Variants in IPO8 observed in about 807,000 individuals in gnomAD.
IPO8 encodes the protein importin 8.
Under a neutral mutation model 141.2 loss-of-function variants are expected in IPO8, and 65 were observed. That is an observed-to-expected ratio of 0.46 (90% CI 0.38 to 0.57). The LOEUF (loss-of-function observed/expected upper bound fraction) is 0.57. IPO8 is among the 20% of genes least tolerant of loss of function. The pLI is 0.00. For missense variants in IPO8, 980 were observed against 1,246.8 expected, an observed-to-expected ratio of 0.79 and a Z score of 3.22; for synonymous variants, 411 against 420.3, an observed-to-expected ratio of 0.98 and a Z score of 0.27.
chr12:30,670,811 A>G, intron 9 of IPO8, 151 bp downstream of exon 9: 1 of 550,576 alleles, frequency 1.8e-6, no homozygotes, highest in Non-Finnish European at 2.9e-6. Context: ...TAAGCCCTTT[A>G]TATCTGACAT....
intron 6 of IPO8, among the ~76,000 whole-genome samples, chr12:30,675,996 C>A (rs1294762803): frequency 6.6e-6 from 1 of 151,862 alleles, no homozygotes; most frequent in Non-Finnish European, 1.5e-5. Flanking sequence ...CTCTGTCCCC[C>A]AAGCATAGTT....
rs138724283 is a variant in IPO8 at position 30,654,882 on chromosome 12, G to C, written c.1949-1790C>G. Reference sequence around the variant, plus strand: ...CCAAAGGAATTAAAATCAGGATCTTGAAGAGATAATGTGCCCTCCTATGTT... The same window carrying C: ...CCAAAGGAATTAAAATCAGGATCTTCAAGAGATAATGTGCCCTCCTATGTT... On this transcript the variant is annotated intron_variant, in intron 17 of 24. Transcript: ENST00000256079. Among the ~76,000 whole-genome samples, 1,130 of 152,138 alleles carry C rather than the reference G, an allele frequency of 7.4e-3. 5 individuals carry two copies. Among genetic ancestry groups the C allele is most frequent in the Middle Eastern group, 0.037 (11 of 294 alleles).
chr12:30,690,725 A>G (rs986495462), intron 1 of IPO8, 148 bp from the exon 2 acceptor site: 4 of 514,874 alleles, frequency 7.8e-6, no homozygotes, highest in African/African-American at 4.0e-5. Context: ...GAAGATTACT[A>G]AAATACTTCA....
chr12:30,686,307 G>A (rs185001360), intron 2 of IPO8: 10 of 152,302 alleles, frequency 6.6e-5, no homozygotes, highest in African/African-American at 2.2e-4. Flanking sequence ...AATGATCTAA[G>A]GATATGAACC....
chr12:30,656,686 A>G lies in IPO8; in HGVS notation c.1946T>C (p.Ile649Thr), dbSNP rs1406374629. 6.5e-7 allele frequency: 1 copy of G among 1,542,670 alleles called. No individual in the cohort carries two copies. The highest frequency in any genetic ancestry group is 8.8e-7 in the Non-Finnish European group (1 of 1,133,890). Residue 649 changes from isoleucine to threonine, a missense_variant and splice_region_variant, in exon 17 of 25, where the codon ATT (isoleucine) becomes ACT (threonine). By Grantham distance (89) the Ile-to-Thr change is moderately conservative. Around this residue, in one of 3 missense-constraint regions of IPO8, gnomAD observed 924 missense variants for 1,153.9 expected, o/e 0.80. Transcript: ENST00000256079. ...TTTTATTTAACCTTTGAACTTACCA[A>G]TTACATGTTTCTGCAGAACAAGATC... is the stretch of plus-strand genomic sequence containing the variant. ...IIDLVLQKHVIEFYEEILSLA... is the reference protein window; with the variant it reads ...IIDLVLQKHVTEFYEEILSLA...
rs199691846 is a variant in IPO8 at position 30,680,666 on chromosome 12, A to C, written c.483-28T>G. On this transcript the variant is annotated intron_variant, in intron 4 of 24. Transcript: ENST00000256079. ...ACATGAGCAAAGACAAAAACAGAAA[A>C]GTAATTTTTCCCACCCAAAGAACCA... 1,009 of 1,568,282 alleles carry C rather than the reference A, an allele frequency of 6.4e-4. 1 individual carries two copies. The highest frequency in any genetic ancestry group is 8.0e-4 in the Non-Finnish European group (931 of 1,162,316).
At chr12:30,633,714 T>C (rs2052464111) in intron 23 of IPO8, among the ~76,000 whole-genome samples, 1 of 152,244 alleles carries the variant, frequency 6.6e-6, no homozygotes, top group African/African-American at 2.4e-5. Flanking sequence ...TAGTAGGTTG[T>C]TAGCCACAAT....
rs2053335825 is a variant in IPO8 at position 30,695,844 on chromosome 12, A to T, written c.-197T>A. On this transcript the variant is annotated 5_prime_UTR_variant, in exon 1 of 25. The change creates a premature stop within an existing upstream ORF in the 5' untranslated region. Coordinates refer to ENST00000256079, the MANE Select transcript of IPO8 (RefSeq NM_006390.4). This position sits in a 1 kb window ranked among gnomAD's most constrained non-coding sequence, Gnocchi z 4.2. ...CCTGTCCTCCCTTTTTCCCCCCCAC[A>T]ACTCGCTCTCCATTCACCGTTTTAC... The T allele has an allele frequency of 2.1e-6, 1 of 482,814 alleles. No individual in the cohort carries two copies. Among genetic ancestry groups the T allele is most frequent in the South Asian group, 2.4e-5 (1 of 40,868 alleles). The allele number at this position is 482,814 out of a possible 1,614,324, so 29.9% of individuals were successfully genotyped here.
At chr12:30,685,474 G>C (rs2053231330) in intron 2 of IPO8, among the ~76,000 whole-genome samples, 1 of 151,104 alleles carries the variant, frequency 6.6e-6, no homozygotes, top group Non-Finnish European at 1.5e-5. Context: ...CAGTTGAACA[G>C]TGAATGTAAG....
At position 30,695,327 on chromosome 12, in the gene IPO8, G is replaced by A. The variant is rs377104041; in HGVS notation, c.84+237C>T. Among the ~76,000 whole-genome samples the A allele has an allele frequency of 7.9e-5, 12 of 152,326 alleles. No individual in the cohort carries two copies. In the East Asian group the frequency reaches 2.1e-3, roughly 27 times the overall value. Reference sequence around the variant, plus strand: ...GCAGAACAAACTGCCCTGGAGAAGGGAGACGACACGAAAAGGTGCAAAGGT... The same window carrying A: ...GCAGAACAAACTGCCCTGGAGAAGGAAGACGACACGAAAAGGTGCAAAGGT... On this transcript the variant is annotated intron_variant, in intron 1 of 24. Coordinates refer to ENST00000256079, the MANE Select transcript of IPO8 (RefSeq NM_006390.4). This position sits in a 1 kb window ranked among gnomAD's most constrained non-coding sequence, Gnocchi z 4.2.
At chr12:30,691,949 ATTCT>A (rs2053294691) in intron 1 of IPO8, among the ~76,000 whole-genome samples, 1 of 152,172 alleles carries the variant, frequency 6.6e-6, no homozygotes, top group African/African-American at 2.4e-5. Context: ...TGGCATGTAA[ATTCT>A]TTTTTATCCA....
At chr12:30,641,927 G>T (rs1193510536) in intron 20 of IPO8, among the ~76,000 whole-genome samples, 1 of 152,144 alleles carries the variant, frequency 6.6e-6, no homozygotes, top group African/African-American at 2.4e-5. Context: ...AGGCACAGTG[G>T]TTCACGCCTG....
intron 18 of IPO8, 34 bp downstream of exon 18, chr12:30,652,933 G>A: frequency 6.4e-7 from 1 of 1,563,630 alleles, no homozygotes; most frequent in Non-Finnish European, 8.6e-7. Context: ...TCTAGACACA[G>A]AAAAGCAAAA....
At chr12:30,632,147 A>G in intron 23 of IPO8, 136 bp from the exon 24 acceptor site, 3 of 590,634 alleles carry the variant, frequency 5.1e-6, no homozygotes, top group South Asian at 4.1e-5. Context: ...AACACACACA[A>G]GGTAATGAAA....
intron 16 of IPO8, among the ~76,000 whole-genome samples, chr12:30,657,376 C>G (rs559918715): frequency 6.6e-6 from 1 of 152,104 alleles, no homozygotes; most frequent in Non-Finnish European, 1.5e-5. Context: ...CAATTTTCAC[C>G]TATTAAGACT....
At chr12:30,672,733 G>A (rs2053068833) in intron 8 of IPO8, among the ~76,000 whole-genome samples, 1 of 152,104 alleles carries the variant, frequency 6.6e-6, no homozygotes. Context: ...CTTCCTGATT[G>A]TCCTGGTTTT....
At position 30,674,013 on chromosome 12, in the gene IPO8, T is replaced by C; in HGVS notation, c.886A>G (p.Thr296Ala). ...YFEFSEFFLKTYAVGIQQVLL... is the reference protein window; with the variant it reads ...YFEFSEFFLKAYAVGIQQVLL... ...ACCTGCTGAATGCCCACTGCATAGG[T>C]TTTCAAAAAGAATTCAGAAAATTCA... Residue 296 changes from threonine (T) to alanine (A), a missense_variant, in exon 8 of 25, where the codon ACC becomes GCC. Around this residue, in one of 3 missense-constraint regions of IPO8, gnomAD observed 924 missense variants for 1,153.9 expected, o/e 0.80. Transcript: ENST00000256079. The C allele has an allele frequency of 1.3e-6, 2 of 1,590,070 alleles. No individual in the cohort carries two copies. The highest frequency in any genetic ancestry group is 4.5e-5 in the East Asian group (2 of 44,426).
intron 19 of IPO8, among the ~76,000 whole-genome samples, chr12:30,650,608 G>A (rs1430350332): frequency 6.6e-6 from 1 of 151,976 alleles, no homozygotes; most frequent in Non-Finnish European, 1.5e-5. Context: ...CTCTTTTACT[G>A]TCCCCATCTA....
chr12:30,670,870 A>C, intron 9 of IPO8, 92 bp downstream of exon 9: 1 of 1,009,952 alleles, frequency 9.9e-7, no homozygotes, highest in South Asian at 2.1e-5. Flanking sequence ...ATATATATAA[A>C]ATGTAAAATA....
Sources: gnomAD v4.1 joint callset for allele counts (sites outside exome capture counted in the v4.1 genomes callset) on GRCh38, gnomAD v4.1.1 for gene constraint, gnomAD v4.1.1 regional missense constraint, Gnocchi (gnomAD v3.1) non-coding constraint, MANE v1.5 for transcripts, NCBI Gene and HGNC (gene_info 2026-07-23, HGNC 2026-07-21) for gene names.